The following REPS2 variants were observed in gnomAD, a reference collection of about 807,000 sequenced individuals.
REPS2 encodes ralBP1-associated Eps domain-containing protein 2.
Under a neutral mutation model 53.6 loss-of-function variants are expected in REPS2, and 23 were observed. That is an observed-to-expected ratio of 0.43 (90% CI 0.31 to 0.61). The LOEUF is 0.61. Among genes scored for constraint, REPS2 ranks in the 20% least tolerant of loss-of-function variants. The pLI is 0.11. For synonymous variants in REPS2, 238 were observed against 218.6 expected (o/e 1.09, Z -0.78); for missense variants, 446 against 534.9 (o/e 0.83, Z 1.64).
chrX:17,064,602 G>A lies in REPS2; in HGVS notation c.1209+2070G>A, dbSNP rs762945248. Among the ~76,000 whole-genome samples, 88 of 112,229 alleles carry A rather than the reference G, an allele frequency of 7.8e-4. 1 individual carries two copies. The highest frequency in any genetic ancestry group is 1.0e-3 in the Non-Finnish European group (54 of 53,224). On this transcript the variant is annotated intron_variant, in intron 9 of 17. Transcript: ENST00000357277. Reference sequence around the variant, plus strand: ...TTTTATGAGTGTCTCTTACATTACTGGATTTCTTTCTTTTTCTAAACAGCT... The same window carrying A: ...TTTTATGAGTGTCTCTTACATTACTAGATTTCTTTCTTTTTCTAAACAGCT...
intron 5 of REPS2, among the ~76,000 whole-genome samples, chrX:17,037,372 G>A (rs1467621961): frequency 1.8e-5 from 2 of 112,317 alleles, no homozygotes; most frequent in Non-Finnish European, 3.8e-5. Flanking sequence ...GCAGTGGCGC[G>A]ATCTTGGCTG....
chrX:17,105,886 G>A (rs749578834), intron 14 of REPS2, among the ~76,000 whole-genome samples: 160 of 111,936 alleles, frequency 1.4e-3, no homozygotes, highest in African/African-American at 5.2e-3. Context: ...TAACCACTTT[G>A]TATGGGACAC....
At chrX:17,194,595 G>A in the REPS2 span, among the ~76,000 whole-genome samples, 7 of 111,589 alleles carry the variant, frequency 6.3e-5, no homozygotes, top group African/African-American at 2.0e-4. Flanking sequence ...TGGCTGGGAG[G>A]AAGGTGGGTA....
intron 5 of REPS2, among the ~76,000 whole-genome samples, chrX:17,040,100 T>G (rs932200335): frequency 1.3e-4 from 15 of 112,765 alleles, no homozygotes; most frequent in Non-Finnish European, 2.4e-4. Flanking sequence ...TTTATTTCCC[T>G]GAAGAAACAG....
intron 14 of REPS2, among the ~76,000 whole-genome samples, chrX:17,111,075 G>T (rs2148078382): frequency 8.9e-6 from 1 of 111,888 alleles, no homozygotes; most frequent in Non-Finnish European, 1.9e-5. Context: ...TCGGATTTTG[G>T]ATACTTAACC....
At chrX:17,119,235 C>T (rs2063106815) in intron 14 of REPS2, among the ~76,000 whole-genome samples, 1 of 112,324 alleles carries the variant, frequency 8.9e-6, no homozygotes, top group South Asian at 3.7e-4. Context: ...TGTACCAGCT[C>T]CTACTATACT....
rs181231052 is a variant in REPS2 at position 17,038,290 on chromosome X, A to G, written c.771+8667A>G. Reference sequence around the variant, plus strand: ...GAAAGTGAGAGAAGGCTCCTTTAACAAAGTATGTGTTGAGCTGAGCTGTGA... The same window carrying G: ...GAAAGTGAGAGAAGGCTCCTTTAACGAAGTATGTGTTGAGCTGAGCTGTGA... On this transcript the variant is annotated intron_variant, in intron 5 of 17. Coordinates refer to ENST00000357277, the MANE Select transcript of REPS2 (RefSeq NM_004726.3). Among the ~76,000 whole-genome samples the G allele has an allele frequency of 8.6e-3, 967 of 112,621 alleles. 5 individuals are homozygous for G. Among genetic ancestry groups the G allele is most frequent in the Middle Eastern group, 0.023 (5 of 216 alleles).
At chrX:17,126,663 C>T (rs1286099072) in intron 14 of REPS2, among the ~76,000 whole-genome samples, 3 of 111,836 alleles carry the variant, frequency 2.7e-5, no homozygotes, top group African/African-American at 6.5e-5. Context: ...ATTCTTCTTC[C>T]CCCTAGGCCA....
chrX:17,125,706 G>A (rs965992327), intron 14 of REPS2, among the ~76,000 whole-genome samples: 1 of 112,840 alleles, frequency 8.9e-6, no homozygotes, highest in African/African-American at 3.2e-5. Flanking sequence ...CCATATGGGC[G>A]AACTAACCCA....
intron 14 of REPS2, among the ~76,000 whole-genome samples, chrX:17,132,143 G>C (rs2063300879): frequency 8.9e-6 from 1 of 112,091 alleles, no homozygotes; most frequent in South Asian, 3.8e-4. Context: ...TCAACGTGCT[G>C]TTTAACAACT....
At chrX:17,029,383 G>C (rs2061681647) in intron 4 of REPS2, 143 bp from the exon 5 acceptor site, 2 of 422,243 alleles carry the variant, frequency 4.7e-6, no homozygotes, top group Admixed American at 4.4e-5. Context: ...AGAATCAGGG[G>C]TTGTCAGTCC....
chrX:17,050,194 C>CTTT (rs200986826), intron 6 of REPS2, among the ~76,000 whole-genome samples: 5 of 51,796 alleles, frequency 9.7e-5, no homozygotes, highest in African/African-American at 1.9e-4. Context: ...TTCTTTCTTT[C>CTTT]TTTTTTTTTT....
At chrX:17,119,220 C>T (rs1025187750) in intron 14 of REPS2, among the ~76,000 whole-genome samples, 1 of 112,085 alleles carries the variant, frequency 8.9e-6, no homozygotes, top group African/African-American at 3.2e-5. Flanking sequence ...GCTATTTAGC[C>T]CCAGTGTACC....
At chrX:17,167,983 G>T in the REPS2 span, among the ~76,000 whole-genome samples, 1 of 111,404 alleles carries the variant, frequency 9.0e-6, no homozygotes, top group South Asian at 3.8e-4. Flanking sequence ...AAGATATCAG[G>T]GAAATTATAC....
At chrX:16,968,658 A>C (rs1602541797) in intron 1 of REPS2, among the ~76,000 whole-genome samples, 1 of 81,101 alleles carries the variant, frequency 1.2e-5, no homozygotes, top group African/African-American at 4.9e-5. Flanking sequence ...TGACCCCCCC[A>C]CCTCCCTCCC....
At chrX:17,059,727 A>G (rs2062130496) in intron 8 of REPS2, among the ~76,000 whole-genome samples, 1 of 111,111 alleles carries the variant, frequency 9.0e-6, no homozygotes, top group African/African-American at 3.3e-5. Flanking sequence ...TCGGCCTCCC[A>G]AAGTGCTGGG....
At position 16,990,612 on chromosome X, in the gene REPS2, G is replaced by GA. The variant is rs770809221; in HGVS notation, c.274-15596dup. Reference sequence around the variant, plus strand: ...GCAACAGAGCAAGACTCTGTCTTAGGAAAAAAAAAAAAAGGCATCATGGGT... The same window carrying GA: ...GCAACAGAGCAAGACTCTGTCTTAGGAAAAAAAAAAAAAAGGCATCATGGGT... On this transcript the variant is annotated intron_variant, in intron 1 of 17. Coordinates refer to ENST00000357277, the MANE Select transcript of REPS2 (RefSeq NM_004726.3). 3.7e-3 allele frequency among the ~76,000 whole-genome samples: 321 copies of GA among 87,130 alleles called. 2 individuals carry two copies. The highest frequency in any genetic ancestry group is 0.02 in the Admixed American group (156 of 7,928). The allele number at this position is 87,130 out of a possible 115,157, so 75.7% of individuals were successfully genotyped here.
intron 16 of REPS2, chrX:17,138,485 A>C: frequency 8.2e-6 from 1 of 121,676 alleles, no homozygotes; most frequent in Non-Finnish European, 1.7e-5. Context: ...CACAGGGGAC[A>C]CCTGCAGGTC....
intron 7 of REPS2, among the ~76,000 whole-genome samples, chrX:17,052,843 T>C (rs953996098): frequency 6.3e-5 from 7 of 111,730 alleles, no homozygotes; most frequent in Non-Finnish European, 1.3e-4. Context: ...TAAGGCTGAG[T>C]GAACAGAAGG....
Sources: gnomAD v4.1 joint callset for allele counts (sites outside exome capture counted in the v4.1 genomes callset) on GRCh38, gnomAD v4.1.1 for gene constraint, MANE v1.5 for transcripts, NCBI Gene and HGNC (gene_info 2026-07-23, HGNC 2026-07-21) for gene names.